CTNNA3: variants seen among roughly 807,000 people sequenced by gnomAD.
CTNNA3 encodes the protein catenin alpha-3.
A neutral mutation model predicts 95.7 loss-of-function variants in CTNNA3; 76 were observed. The ratio of observed to expected loss-of-function variants is 0.79; its 90% CI spans 0.66 to 0.96. CTNNA3 has a LOEUF of 0.96. CTNNA3 is among the 40% of genes least tolerant of loss of function. The pLI is 0.00. For synonymous variants in CTNNA3, 431 were observed against 374.4 expected, an observed-to-expected ratio of 1.15 and a Z score of -1.74; for missense variants, 1,191 against 1,089.8, an observed-to-expected ratio of 1.09 and a Z score of -1.31.
rs565699363 is a variant in CTNNA3 at position 66,453,458 on chromosome 10, T to C, written c.1531+67159A>G. Among the ~76,000 whole-genome samples, 3 of 152,326 alleles carry C rather than the reference T, an allele frequency of 2.0e-5. No homozygotes were observed. In the South Asian group the frequency reaches 6.2e-4, roughly 32 times the overall value. ...ACCAGGTAACTAAAGCCCCAGCTTTTTGGCTGGAGATCCGGCCAGGGCCAG... is the reference window on the plus strand; with the variant it reads ...ACCAGGTAACTAAAGCCCCAGCTTTCTGGCTGGAGATCCGGCCAGGGCCAG... On this transcript the variant is annotated intron_variant, in intron 11 of 17. Coordinates refer to ENST00000433211, the MANE Select transcript of CTNNA3 (RefSeq NM_013266.4).
intron 5 of CTNNA3, among the ~76,000 whole-genome samples, chr10:67,232,343 T>A (rs1395621186): frequency 6.6e-6 from 1 of 151,038 alleles, no homozygotes; most frequent in Non-Finnish European, 1.5e-5. Flanking sequence ...CAGAAGAGAG[T>A]GGGGGCCAAT....
chr10:66,050,064 T>C (rs1033277212), intron 15 of CTNNA3, among the ~76,000 whole-genome samples: 1 of 152,138 alleles, frequency 6.6e-6, no homozygotes, highest in Non-Finnish European at 1.5e-5. Flanking sequence ...TATTTCAAAA[T>C]AAAGACTAAT....
In CTNNA3 at chr10:65,915,627, A is replaced by G. The variant is rs1172780122; in HGVS notation, c.*4703T>C. 1.3e-5 allele frequency: 2 copies of G among 152,128 alleles called. No homozygotes were observed. Among genetic ancestry groups the G allele is most frequent in the Non-Finnish European group, 2.9e-5 (2 of 68,026 alleles). 9.4% of individuals were successfully genotyped at this position (152,128 alleles called of 1,614,324 possible). On this transcript the variant is annotated 3_prime_UTR_variant, in exon 18 of 18. Transcript: ENST00000433211. ...GCCATAAAGCATCTCGTCTCAGAAT[A>G]AAACTTATGGTCGGCCCCACAGCCC...
At chr10:67,567,631 G>C (rs918565792) in intron 3 of CTNNA3, among the ~76,000 whole-genome samples, 24 of 152,198 alleles carry the variant, frequency 1.6e-4, no homozygotes, top group African/African-American at 5.5e-4. Context: ...TCTGGAGCTT[G>C]AATGTGCAGT....
chr10:67,526,774 A>G (rs533798859), intron 4 of CTNNA3, among the ~76,000 whole-genome samples: 2 of 152,320 alleles, frequency 1.3e-5, no homozygotes, highest in East Asian at 3.9e-4. Flanking sequence ...TAAAAGTTCC[A>G]TAAAATTGAA....
chr10:66,225,940 G>C (rs547792332), intron 13 of CTNNA3, among the ~76,000 whole-genome samples: 2 of 151,970 alleles, frequency 1.3e-5, no homozygotes, highest in Non-Finnish European at 2.9e-5. Context: ...TTTTGCTGTT[G>C]ACTTCTTTGA....
chr10:66,863,775 AG>A (rs1049701518), intron 7 of CTNNA3, among the ~76,000 whole-genome samples: 2 of 152,156 alleles, frequency 1.3e-5, no homozygotes, highest in African/African-American at 4.8e-5. Context: ...ATTTAGCAAC[AG>A]GGTGTCTAAT....
At chr10:65,992,148 G>A (rs1174143682) in intron 15 of CTNNA3, among the ~76,000 whole-genome samples, 5 of 151,944 alleles carry the variant, frequency 3.3e-5, no homozygotes, top group South Asian at 2.1e-4. Flanking sequence ...GATTAATTTT[G>A]CTAGTATTTT....
intron 5 of CTNNA3, among the ~76,000 whole-genome samples, chr10:67,292,857 C>T (rs1839890974): frequency 6.6e-6 from 1 of 152,028 alleles, no homozygotes; most frequent in African/African-American, 2.4e-5. Context: ...GTCCTGTGTG[C>T]TCACCATGTA....
chr10:66,119,754 T>G (rs1050482607), intron 13 of CTNNA3, among the ~76,000 whole-genome samples: 2 of 151,950 alleles, frequency 1.3e-5, no homozygotes, highest in African/African-American at 4.8e-5. Flanking sequence ...CAATTTTTTT[T>G]ATTAAATAAG....
intron 13 of CTNNA3, among the ~76,000 whole-genome samples, chr10:66,255,252 G>C (rs543592399): frequency 6.6e-6 from 1 of 152,290 alleles, no homozygotes; most frequent in East Asian, 1.9e-4. Context: ...GGCACCCCCA[G>C]ATAGAGTGAG....
intron 10 of CTNNA3, among the ~76,000 whole-genome samples, chr10:66,525,138 C>A (rs2132033187): frequency 6.6e-6 from 1 of 150,708 alleles, no homozygotes; most frequent in African/African-American, 2.4e-5. Context: ...CAGTGGGTGG[C>A]AAGAGGAGAA....
Position 67,406,875 on chromosome 10 carries a change from C to T in CTNNA3, c.579+114967G>A, listed in dbSNP as rs183491159. 1.1e-3 allele frequency among the ~76,000 whole-genome samples: 169 copies of T among 152,130 alleles called. 2 individuals are homozygous for T. The highest frequency in any genetic ancestry group is 3.9e-3 in the African/African-American group (163 of 41,544). On this transcript the variant is annotated intron_variant, in intron 5 of 17. Transcript: ENST00000433211. ...CTCCCAAGACTGAACCAGAAAGAAA[C>T]TGAGTCCCTGAACAGATCAACAACA... is the stretch of plus-strand genomic sequence containing the variant.
chr10:67,259,005 G>A (rs1866472609), intron 5 of CTNNA3, among the ~76,000 whole-genome samples: 1 of 152,060 alleles, frequency 6.6e-6, no homozygotes, highest in Non-Finnish European at 1.5e-5. Context: ...TAACTACTAT[G>A]TAAATAATTG....
At chr10:66,118,665 C>T (rs866414776) in intron 13 of CTNNA3, among the ~76,000 whole-genome samples, 6 of 152,110 alleles carry the variant, frequency 3.9e-5, no homozygotes, top group African/African-American at 2.4e-5. Flanking sequence ...CAGATCTCAT[C>T]CACTATGCAG....
At chr10:66,873,514 T>A (rs944713289) in intron 7 of CTNNA3, among the ~76,000 whole-genome samples, 1 of 152,164 alleles carries the variant, frequency 6.6e-6, no homozygotes, top group African/African-American at 2.4e-5. Context: ...TTGTAAGTCC[T>A]CTTTTGAGAA....
At chr10:66,578,949 T>A (rs1437473309) in intron 10 of CTNNA3, among the ~76,000 whole-genome samples, 1 of 150,602 alleles carries the variant, frequency 6.6e-6, no homozygotes, top group African/African-American at 2.4e-5. Flanking sequence ...AATTCAGCTG[T>A]GAATCCATCT....
chr10:66,326,408 A>G (rs1018483398), intron 12 of CTNNA3, among the ~76,000 whole-genome samples: 4 of 152,098 alleles, frequency 2.6e-5, no homozygotes, highest in Admixed American at 2.6e-4. Context: ...TTTGGCCTCC[A>G]TCTATGGGAT....
intron 9 of CTNNA3, among the ~76,000 whole-genome samples, chr10:66,740,790 C>T (rs1011256058): frequency 7.9e-5 from 12 of 152,142 alleles, no homozygotes; most frequent in African/African-American, 2.4e-4. Context: ...TTGTTTAACC[C>T]TTCATTCATA....
Sources: allele counts gnomAD v4.1 joint callset (sites outside exome capture counted in the v4.1 genomes callset), GRCh38; gene constraint gnomAD v4.1.1; transcripts MANE v1.5; gene names NCBI Gene and HGNC (gene_info 2026-07-23, HGNC 2026-07-21).